Variants in KCNC4 observed in about 807,000 individuals in gnomAD.
KCNC4 encodes the protein potassium voltage-gated channel subfamily C member 4.
In KCNC4, 23 loss-of-function variants were observed where a neutral mutation model predicts 42.8. That is an observed-to-expected ratio of 0.54 (90% CI 0.39 to 0.76). The LOEUF is 0.76. KCNC4 is among the 30% of genes least tolerant of loss of function. KCNC4 has a pLI of 0.00. For missense variants in KCNC4, 751 were observed against 898.2 expected (o/e 0.84, Z 2.10); for synonymous variants, 422 against 393.5 (o/e 1.07, Z -0.86).
At chr1:110,266,232 G>C (rs531559757) in intron 1 of KCNC4, among the ~76,000 whole-genome samples, 21 of 152,334 alleles carry the variant, frequency 1.4e-4, no homozygotes, top group African/African-American at 5.1e-4. Context: ...TCCCAACACT[G>C]TTGCATGGGG....
chr1:110,267,453 C>T (rs1439772145), intron 1 of KCNC4, among the ~76,000 whole-genome samples: 1 of 152,128 alleles, frequency 6.6e-6, no homozygotes, highest in Admixed American at 6.5e-5. Flanking sequence ...CTTCTGGAAT[C>T]CGTACATTCC....
At chr1:110,266,625 C>A (rs1440274247) in intron 1 of KCNC4, among the ~76,000 whole-genome samples, 1 of 152,180 alleles carries the variant, frequency 6.6e-6, no homozygotes, top group East Asian at 1.9e-4. Context: ...GGGCACAGAA[C>A]CTTTAAGTGG....
intron 1 of KCNC4, among the ~76,000 whole-genome samples, chr1:110,275,651 G>A (rs148681549): frequency 2.0e-5 from 3 of 152,174 alleles, no homozygotes; most frequent in Non-Finnish European, 4.4e-5. Flanking sequence ...TATATACCAC[G>A]GAATACTATT....
intron 1 of KCNC4, chr1:110,219,818 T>G (rs554708511): frequency 1.0e-4 from 16 of 152,396 alleles, no homozygotes; most frequent in African/African-American, 3.6e-4. Context: ...GGTCAACCAC[T>G]TATGAAATAA....
chr1:110,256,614 G>GA (rs1279225746), intron 1 of KCNC4: 2 of 152,182 alleles, frequency 1.3e-5, no homozygotes, highest in Admixed American at 6.6e-5. Context: ...CTTAAACAGG[G>GA]GCTTACGTCT....
intron 1 of KCNC4, among the ~76,000 whole-genome samples, chr1:110,259,497 A>C (rs1659389657): frequency 6.6e-6 from 1 of 152,056 alleles, no homozygotes; most frequent in African/African-American, 2.4e-5. Flanking sequence ...GATCTCTCAG[A>C]CTCTCTTGCA....
chr1:110,219,409 C>A (rs1440971177), intron 1 of KCNC4, among the ~76,000 whole-genome samples: 1 of 152,156 alleles, frequency 6.6e-6, no homozygotes, highest in Non-Finnish European at 1.5e-5. Context: ...GAAACAGGTG[C>A]AGAAGTTACC....
At chr1:110,256,373 T>C (rs2101071072) in intron 1 of KCNC4, among the ~76,000 whole-genome samples, 1 of 152,252 alleles carries the variant, frequency 6.6e-6, no homozygotes, top group Non-Finnish European at 1.5e-5. Context: ...TAGAGAATAT[T>C]TACTGTGACC....
chr1:110,256,771 C>G (rs1217427758), intron 1 of KCNC4: 1 of 154,912 alleles, frequency 6.5e-6, no homozygotes, highest in Admixed American at 6.5e-5. Context: ...AGGACCTGGG[C>G]GTGTGTCTGT....
In KCNC4 at chr1:110,223,446, C is replaced by T. The variant is rs764225769; in HGVS notation, c.1161C>T (p.Phe387=). Residue 387 remains phenylalanine, a synonymous_variant, in exon 2 of 4, where the codon TTC becomes TTT. Transcript: ENST00000438661. The surrounding 1 kb of genome is among the most constrained non-coding windows in gnomAD (Gnocchi z 7.5). ...STNEFLLLII[F]LALGVLIFAT... ...ATGAGTTCCTGCTGCTTATCATCTT[C>T]CTGGCCCTGGGTGTGCTCATCTTTG... 1 of 1,613,892 alleles carries T rather than the reference C, an allele frequency of 6.2e-7. No homozygotes were observed. The highest frequency in any genetic ancestry group is 1.3e-5 in the African/African-American group (1 of 74,950).
At chr1:110,235,901 C>T (rs980523732), downstream of KCNC4, 7 of 152,202 alleles carry the variant, frequency 4.6e-5, no homozygotes, top group Admixed American at 3.3e-4. Flanking sequence ...CCTCTGTGAA[C>T]GTCTATTTCC....
chr1:110,235,026 G>C (rs938629038), downstream of KCNC4: 1 of 152,548 alleles, frequency 6.6e-6, no homozygotes, highest in East Asian at 1.9e-4. Context: ...CACAGTGTCA[G>C]CTCCCTCCCT....
chr1:110,257,214 G>C (rs756386248), intron 1 of KCNC4, among the ~76,000 whole-genome samples: 21 of 152,198 alleles, frequency 1.4e-4, no homozygotes, highest in Non-Finnish European at 2.9e-4. Flanking sequence ...ACAGAGAATG[G>C]AAAGATTGTT....
chr1:110,277,171 G>C (rs1659740886), intron 1 of KCNC4, among the ~76,000 whole-genome samples: 1 of 152,188 alleles, frequency 6.6e-6, no homozygotes, highest in South Asian at 2.1e-4. Flanking sequence ...AGTCAAGAAA[G>C]AACACACATC....
At chr1:110,265,416 A>T (rs138846817) in intron 1 of KCNC4, among the ~76,000 whole-genome samples, 221 of 99,134 alleles carry the variant, frequency 2.2e-3, no homozygotes, top group East Asian at 4.8e-3. Flanking sequence ...ATAAAATAAA[A>T]TAAAATATTC....
chr1:110,281,121 A>C (rs1438050878), intron 1 of KCNC4, among the ~76,000 whole-genome samples: 3 of 152,198 alleles, frequency 2.0e-5, no homozygotes, highest in Non-Finnish European at 2.9e-5. Flanking sequence ...TAATGAGACA[A>C]GAAACCTTGC....
chr1:110,236,081 T>C (rs1415930652), downstream of KCNC4: 1 of 152,338 alleles, frequency 6.6e-6, no homozygotes, highest in South Asian at 2.1e-4. Context: ...ATGACCAGTT[T>C]GGTTTGATGA....
chr1:110,278,114 T>A (rs1659754877), intron 1 of KCNC4, among the ~76,000 whole-genome samples: 1 of 134,328 alleles, frequency 7.4e-6, no homozygotes, highest in Admixed American at 7.9e-5. Flanking sequence ...ATCACTACCC[T>A]CCAGCCTGGA....
At chr1:110,227,483 C>T (rs1331160082) in intron 3 of KCNC4, among the ~76,000 whole-genome samples, 1 of 152,204 alleles carries the variant, frequency 6.6e-6, no homozygotes, top group Non-Finnish European at 1.5e-5. Flanking sequence ...AGGAAGTGGT[C>T]CAGCAACCCC....
Sources: allele counts gnomAD v4.1 joint callset (sites outside exome capture counted in the v4.1 genomes callset), GRCh38; gene constraint gnomAD v4.1.1; non-coding constraint Gnocchi (gnomAD v3.1); transcripts MANE v1.5; gene names NCBI Gene and HGNC (gene_info 2026-07-23, HGNC 2026-07-21).